CTNNA2: variants seen among roughly 807,000 people sequenced by gnomAD.
CTNNA2 encodes catenin alpha-2.
A neutral mutation model predicts 101.0 loss-of-function variants in CTNNA2; 42 were observed. The ratio of observed to expected loss-of-function variants is 0.42; its 90% CI spans 0.32 to 0.54. The LOEUF is 0.54. Ranked by LOEUF, CTNNA2 falls within the 20% of genes least tolerant of loss-of-function variation. The pLI is 0.14. For synonymous variants in CTNNA2, 450 were observed against 456.4 expected, an observed-to-expected ratio of 0.99 and a Z score of 0.18; for missense variants, 871 against 1,223.1, an observed-to-expected ratio of 0.71 and a Z score of 4.29.
intron 7 of CTNNA2, among the ~76,000 whole-genome samples, chr2:79,924,811 A>C (rs1686916176): frequency 6.6e-6 from 1 of 152,114 alleles, no homozygotes; most frequent in Non-Finnish European, 1.5e-5. Context: ...TGTCTATCTC[A>C]TTCCTAATGA....
intron 2 of CTNNA2, among the ~76,000 whole-genome samples, chr2:79,240,160 A>T (rs1190426544): frequency 6.6e-6 from 1 of 151,706 alleles, no homozygotes; most frequent in Non-Finnish European, 1.5e-5. Flanking sequence ...CACCCACCTC[A>T]GCCTCCTAAA....
At chr2:80,072,048 T>A (rs768935962) in intron 7 of CTNNA2, among the ~76,000 whole-genome samples, 12 of 152,150 alleles carry the variant, frequency 7.9e-5, no homozygotes, top group Non-Finnish European at 1.8e-4. Flanking sequence ...ATGCAATGCT[T>A]CTTAAGCTGG....
At chr2:80,217,600 A>G (rs189684760) in intron 7 of CTNNA2, among the ~76,000 whole-genome samples, 1 of 152,308 alleles carries the variant, frequency 6.6e-6, no homozygotes, top group East Asian at 1.9e-4. Flanking sequence ...GGGAGTGATA[A>G]CTGACTCTTA....
At position 79,590,069 on chromosome 2, in the gene CTNNA2, T is replaced by C. The variant is rs892026651; in HGVS notation, c.-5-61483T>C. On this transcript the variant is annotated intron_variant, in intron 1 of 18. Transcript: ENST00000402739. ...GGGGTTATTATCTGTTACCGGATCA[T>C]GTGTCTCAGTTTTTCTTTTAAGTTT... is the stretch of plus-strand genomic sequence containing the variant. Among the ~76,000 whole-genome samples, 5 of 152,222 alleles carry C rather than the reference T, an allele frequency of 3.3e-5. No homozygotes were observed. The East Asian group carries it at 7.7e-4, about 23-fold the overall frequency.
intron 4 of CTNNA2, among the ~76,000 whole-genome samples, chr2:79,497,569 A>T (rs1262971079): frequency 6.6e-6 from 1 of 151,822 alleles, no homozygotes; most frequent in East Asian, 1.9e-4. Flanking sequence ...TTGTTAACTC[A>T]CTCCCTTTGG....
chr2:79,472,760 T>C (rs1361461492), intron 4 of CTNNA2, among the ~76,000 whole-genome samples: 1 of 152,214 alleles, frequency 6.6e-6, no homozygotes, highest in Non-Finnish European at 1.5e-5. Flanking sequence ...TTTCCAAATA[T>C]TTAAGTTCTA....
At chr2:79,271,102 G>C (rs985922252) in intron 2 of CTNNA2, among the ~76,000 whole-genome samples, 1 of 152,100 alleles carries the variant, frequency 6.6e-6, no homozygotes, top group African/African-American at 2.4e-5. Flanking sequence ...GAAAGTGAGA[G>C]AGATGAGAAG....
chr2:79,324,749 C>G (rs1011549111), intron 3 of CTNNA2, among the ~76,000 whole-genome samples: 7 of 149,706 alleles, frequency 4.7e-5, no homozygotes, highest in Admixed American at 1.3e-4. Context: ...CACACACACA[C>G]GTACACACAC....
chr2:79,602,356 A>G (rs1374851130), intron 1 of CTNNA2, among the ~76,000 whole-genome samples: 2 of 152,184 alleles, frequency 1.3e-5, no homozygotes, highest in Non-Finnish European at 2.9e-5. Flanking sequence ...TGATTTAAAA[A>G]AAAAACTCTA....
chr2:79,209,347 A>G (rs1021696466), intron 2 of CTNNA2, among the ~76,000 whole-genome samples: 1 of 152,186 alleles, frequency 6.6e-6, no homozygotes, highest in Non-Finnish European at 1.5e-5. Context: ...TGTCCTGCTC[A>G]GTAGAGTTTT....
At chr2:80,186,129 T>G (rs1042926927) in intron 7 of CTNNA2, among the ~76,000 whole-genome samples, 1 of 152,078 alleles carries the variant, frequency 6.6e-6, no homozygotes, top group Non-Finnish European at 1.5e-5. Flanking sequence ...CCTATGGGAA[T>G]TGGAAAGCCA....
At chr2:79,676,012 C>T (rs1683162204) in intron 2 of CTNNA2, among the ~76,000 whole-genome samples, 1 of 152,080 alleles carries the variant, frequency 6.6e-6, no homozygotes, top group African/African-American at 2.4e-5. Flanking sequence ...CCCTCAGGGT[C>T]ATCCGTAGGT....
chr2:80,003,298 T>G (rs6741085), intron 7 of CTNNA2, among the ~76,000 whole-genome samples: 37,755 of 152,162 alleles, frequency 0.25, 5,732 homozygotes, highest in South Asian at 0.4. Context: ...AGTTATTACT[T>G]CTACCTTTCA....
intron 7 of CTNNA2, among the ~76,000 whole-genome samples, chr2:80,096,561 T>A (rs1217003517): frequency 6.6e-6 from 1 of 152,146 alleles, no homozygotes; most frequent in Non-Finnish European, 1.5e-5. Context: ...TGGATATCCT[T>A]GTTAACTTTC....
intron 7 of CTNNA2, among the ~76,000 whole-genome samples, chr2:80,290,379 A>G (rs1171384895): frequency 6.6e-6 from 1 of 152,028 alleles, no homozygotes; most frequent in East Asian, 1.9e-4. Flanking sequence ...AACTTCCTTG[A>G]CCTTCTCATT....
At chr2:79,499,054 C>T (rs1168217033) in intron 4 of CTNNA2, 1 of 152,108 alleles carries the variant, frequency 6.6e-6, no homozygotes, top group Non-Finnish European at 1.5e-5. Context: ...TATGTTCCAC[C>T]CTCTGTGAGT....
chr2:80,607,428 G>A (rs1698121957), intron 16 of CTNNA2, among the ~76,000 whole-genome samples: 1 of 151,834 alleles, frequency 6.6e-6, no homozygotes, highest in Admixed American at 6.6e-5. Context: ...GTTCAGCCAA[G>A]CTCTGTGTGT....
At chr2:79,535,826 A>T (rs72921181) in intron 1 of CTNNA2, among the ~76,000 whole-genome samples, 3,400 of 152,252 alleles carry the variant, frequency 0.022, 135 homozygotes, top group African/African-American at 0.079. Flanking sequence ...TTGTATCTTC[A>T]AGGCTCTTGT....
At chr2:80,202,030 T>A (rs1485097932) in intron 7 of CTNNA2, among the ~76,000 whole-genome samples, 1 of 152,216 alleles carries the variant, frequency 6.6e-6, no homozygotes, top group East Asian at 1.9e-4. Flanking sequence ...CATACTCTAC[T>A]GCATTTTTGC....
Sources: allele counts gnomAD v4.1 joint callset (sites outside exome capture counted in the v4.1 genomes callset), GRCh38; gene constraint gnomAD v4.1.1; transcripts MANE v1.5; gene names NCBI Gene and HGNC (gene_info 2026-07-23, HGNC 2026-07-21).